The following NEXMIF variants were observed in gnomAD, a reference collection of about 807,000 sequenced individuals.
The protein encoded by NEXMIF is neurite extension and migration factor.
A neutral mutation model predicts 62.1 loss-of-function variants in NEXMIF; 8 were observed. The observed-to-expected ratio is 0.13, with a 90% CI of 0.08 to 0.23. NEXMIF has a LOEUF of 0.23. NEXMIF is among the 10% of genes least tolerant of loss of function. The probability of loss-of-function intolerance (pLI) is 1.00; values close to 1 mark genes in which losing one functional copy is unlikely to be tolerated. For synonymous variants in NEXMIF, 404 were observed against 416.6 expected, an observed-to-expected ratio of 0.97 and a Z score of 0.37; for missense variants, 976 against 1,113.3, an observed-to-expected ratio of 0.88 and a Z score of 1.75.
chrX:74,744,501 C>A (rs755120439), intron 2 of NEXMIF, 24 bp from the exon 3 acceptor site: 14 of 1,117,323 alleles, frequency 1.3e-5, no homozygotes, highest in Non-Finnish European at 1.7e-5. Flanking sequence ...AAAGAAATGA[C>A]AGGAATAAAA....
In NEXMIF at chrX:74,864,231, C is replaced by T. The variant is rs1342285943; in HGVS notation, c.-48+60652G>A. ...ATCGTATTGGAAGTTCTGGCCAGGG[C>T]AATCGGTCAAGAGAAAGAAATACAG... On this transcript the variant is annotated intron_variant, in intron 1 of 3. Transcript: ENST00000055682. Among the ~76,000 whole-genome samples, 4 of 111,884 alleles carry T rather than the reference C, an allele frequency of 3.6e-5. No individual in the cohort carries two copies. The Admixed American group carries it at 3.8e-4, about 11-fold the overall frequency.
chrX:74,913,526 A>G (rs2080797523), intron 1 of NEXMIF, among the ~76,000 whole-genome samples: 2 of 111,268 alleles, frequency 1.8e-5, no homozygotes, highest in Non-Finnish European at 3.8e-5. Flanking sequence ...ACTTGGCAAA[A>G]GACATAAACC....
chrX:74,889,873 C>T (rs2080711385), intron 1 of NEXMIF, among the ~76,000 whole-genome samples: 1 of 111,113 alleles, frequency 9.0e-6, no homozygotes, highest in South Asian at 3.9e-4. Context: ...CAAAGACACA[C>T]TGCTCTTCAG....
intron 1 of NEXMIF, among the ~76,000 whole-genome samples, chrX:74,798,926 C>T (rs1370352199): frequency 3.1e-5 from 3 of 97,680 alleles, no homozygotes; most frequent in Non-Finnish European, 6.2e-5. Flanking sequence ...GAAAATAGAA[C>T]AGTTGGAGAA....
At chrX:74,790,654 A>T (rs187438174) in intron 1 of NEXMIF, among the ~76,000 whole-genome samples, 14,317 of 93,274 alleles carry the variant, frequency 0.15, no homozygotes, top group East Asian at 0.44. Context: ...TATTTCATTG[A>T]GCAGTAGTTT....
intron 1 of NEXMIF, among the ~76,000 whole-genome samples, chrX:74,773,444 C>A (rs765328362): frequency 8.1e-5 from 9 of 111,164 alleles, no homozygotes; most frequent in Non-Finnish European, 1.5e-4. Context: ...CATGGTCCTG[C>A]TATTCAATCA....
At chrX:74,756,310 T>A (rs1489663912) in intron 1 of NEXMIF, among the ~76,000 whole-genome samples, 2 of 112,090 alleles carry the variant, frequency 1.8e-5, no homozygotes, top group Non-Finnish European at 3.8e-5. Flanking sequence ...TACTTATATA[T>A]GGGGAAAGTA....
chrX:74,913,038 G>A (rs915682055), intron 1 of NEXMIF, among the ~76,000 whole-genome samples: 16 of 111,600 alleles, frequency 1.4e-4, no homozygotes, highest in African/African-American at 2.3e-4. Context: ...ACCACAAAAC[G>A]TATATATTTC....
chrX:74,752,470 T>C (rs2080147321), intron 1 of NEXMIF, among the ~76,000 whole-genome samples: 1 of 111,596 alleles, frequency 9.0e-6, no homozygotes, highest in South Asian at 3.8e-4. Flanking sequence ...CTCCCTTCCC[T>C]TTTCTTTCTC....
chrX:74,856,062 A>G (rs886732791), intron 1 of NEXMIF, among the ~76,000 whole-genome samples: 1 of 112,261 alleles, frequency 8.9e-6, no homozygotes, highest in Admixed American at 9.4e-5. Flanking sequence ...AACACAGAAA[A>G]AAAGCAATCA....
intron 1 of NEXMIF, among the ~76,000 whole-genome samples, chrX:74,846,312 T>C (rs753922986): frequency 8.9e-6 from 1 of 112,200 alleles, no homozygotes; most frequent in Non-Finnish European, 1.9e-5. Flanking sequence ...ACTTAGGAGA[T>C]CTATTCTAGT....
intron 1 of NEXMIF, among the ~76,000 whole-genome samples, chrX:74,813,734 A>T (rs1353699267): frequency 8.9e-6 from 1 of 112,242 alleles, no homozygotes; most frequent in Non-Finnish European, 1.9e-5. Flanking sequence ...TCAATGATGT[A>T]TTACCAGTAT....
chrX:74,864,209 G>A (rs1380854627), intron 1 of NEXMIF, among the ~76,000 whole-genome samples: 3 of 112,042 alleles, frequency 2.7e-5, no homozygotes, highest in South Asian at 3.7e-4. Context: ...ACTCAATATC[G>A]TATTGGAAGT....
intron 1 of NEXMIF, among the ~76,000 whole-genome samples, chrX:74,814,588 T>C (rs1016270328): frequency 1.7e-4 from 19 of 112,032 alleles, no homozygotes; most frequent in African/African-American, 5.8e-4. Flanking sequence ...CCAGTTTACA[T>C]AGGAATGCTA....
At chrX:74,917,924 C>G (rs2080813451) in intron 1 of NEXMIF, among the ~76,000 whole-genome samples, 1 of 111,439 alleles carries the variant, frequency 9.0e-6, no homozygotes, top group Non-Finnish European at 1.9e-5. Flanking sequence ...CTAGTCTTGA[C>G]GTTTTTGGTG....
chrX:74,791,847 G>A lies in NEXMIF; in HGVS notation c.-47-46150C>T, dbSNP rs753125205. Reference sequence around the variant, plus strand: ...TATCCCCTTTATCATTTTTTATTGCGTCTATTAGATTCTTCTTTTTTTCTT... The same window carrying A: ...TATCCCCTTTATCATTTTTTATTGCATCTATTAGATTCTTCTTTTTTTCTT... On this transcript the variant is annotated intron_variant, in intron 1 of 3. Transcript: ENST00000055682. Among the ~76,000 whole-genome samples the A allele has an allele frequency of 1.2e-4, 13 of 110,607 alleles. No individual in the cohort carries two copies. In the South Asian group the frequency reaches 3.9e-3, roughly 33 times the overall value.
At chrX:74,769,150 T>A (rs773993135) in intron 1 of NEXMIF, among the ~76,000 whole-genome samples, 2 of 110,546 alleles carry the variant, frequency 1.8e-5, no homozygotes, top group South Asian at 7.9e-4. Flanking sequence ...TTAAGATACA[T>A]GCAAACTGGC....
chrX:74,877,477 GCT>G (rs927799146), intron 1 of NEXMIF, among the ~76,000 whole-genome samples: 3 of 110,892 alleles, frequency 2.7e-5, no homozygotes, highest in Non-Finnish European at 5.7e-5. Flanking sequence ...TCTTGGAGTT[GCT>G]CTTCTCGAGG....
At chrX:74,870,692 C>A (rs182822533) in intron 1 of NEXMIF, among the ~76,000 whole-genome samples, 5 of 111,517 alleles carry the variant, frequency 4.5e-5, no homozygotes, top group Non-Finnish European at 5.7e-5. Flanking sequence ...ACAAGACATA[C>A]AAATGGCAAA....
Sources: gnomAD v4.1 joint callset for allele counts (sites outside exome capture counted in the v4.1 genomes callset) on GRCh38, gnomAD v4.1.1 for gene constraint, MANE v1.5 for transcripts, NCBI Gene and HGNC (gene_info 2026-07-23, HGNC 2026-07-21) for gene names.